The following ZNF254 variants were observed in gnomAD, a reference collection of about 807,000 sequenced individuals.
ZNF254 encodes the protein CTD-2017D11.1.
In ZNF254, 10 loss-of-function variants were observed where a neutral mutation model predicts 12.4. That is an observed-to-expected ratio of 0.80 (90% CI 0.50 to 1.36). The LOEUF (loss-of-function observed/expected upper bound fraction) is 1.36. Ranked by LOEUF, ZNF254 falls within the 40% of genes most tolerant of loss-of-function variation. ZNF254 has a pLI of 0.00. For synonymous variants in ZNF254, 305 were observed against 253.4 expected (o/e 1.20, Z -1.93); for missense variants, 996 against 763.9 (o/e 1.30, Z -3.58).
chr19:24,099,429 G>A (rs10420762), intron 1 of ZNF254, among the ~76,000 whole-genome samples: 74,385 of 151,936 alleles, frequency 0.49, 19,014 homozygotes, highest in African/African-American at 0.64. Flanking sequence ...GTACGAAACA[G>A]AAGAGGACAC....
chr19:24,089,234 C>G (rs1450473245), intron 1 of ZNF254, among the ~76,000 whole-genome samples: 1 of 152,114 alleles, frequency 6.6e-6, no homozygotes, highest in East Asian at 1.9e-4. Context: ...CCTTGGCCTC[C>G]GAAAGTGCTG....
chr19:24,081,195 A>G (rs1971833616), intron 2 of ZNF254, among the ~76,000 whole-genome samples: 1 of 152,146 alleles, frequency 6.6e-6, no homozygotes. Flanking sequence ...TGACAAGCCC[A>G]TAGATGCCAT....
chr19:24,117,703 G>A (rs563808133), intron 3 of ZNF254, among the ~76,000 whole-genome samples: 9 of 152,044 alleles, frequency 5.9e-5, no homozygotes, highest in African/African-American at 1.9e-4. Flanking sequence ...TGCCCCCACT[G>A]TCCTGCGCCC....
Position 24,126,308 on chromosome 19 carries a change from C to G in ZNF254, c.308C>G (p.Ser103Cys), listed in dbSNP as rs746636252. ...TGGCCAGAGCAGGGCATGGAAGATTCTTTTCAAAAAGCAATACTGAGAAGA... is the reference window on the plus strand; with the variant it reads ...TGGCCAGAGCAGGGCATGGAAGATTGTTTTCAAAAAGCAATACTGAGAAGA... ...DLWPEQGMED[S>C]FQKAILRRYG... The change falls in exon 4 of 4, where the codon TCT becomes TGT. Residue 103 changes from serine (S) to cysteine (C), a missense_variant. Ser to Cys is a moderately radical substitution (Grantham distance 112, BLOSUM62 -1). Coordinates refer to ENST00000357002, the MANE Select transcript of ZNF254 (RefSeq NM_203282.4). 5.0e-6 allele frequency: 8 copies of G among 1,584,792 alleles called. 1 individual carries two copies. Among genetic ancestry groups the G allele is most frequent in the African/African-American group, 1.4e-5 (1 of 73,624 alleles).
intron 1 of ZNF254, chr19:24,104,655 A>G (rs1282036843): frequency 6.6e-6 from 1 of 152,174 alleles, no homozygotes; most frequent in Non-Finnish European, 1.5e-5. Flanking sequence ...ATGGCTTTTT[A>G]TATGCCATGT....
chr19:24,091,968 C>T (rs1972413123), intron 1 of ZNF254: 3 of 316,628 alleles, frequency 9.5e-6, no homozygotes, highest in Non-Finnish European at 1.4e-5. Flanking sequence ...CAAGCTCTGT[C>T]TCCCGGGTTC....
chr19:24,049,721 C>A (rs1271693501), intron 2 of ZNF254, among the ~76,000 whole-genome samples: 1 of 151,950 alleles, frequency 6.6e-6, no homozygotes, highest in East Asian at 1.9e-4. Flanking sequence ...TCTGCCTGTG[C>A]CCTGCCCATG....
In ZNF254 at chr19:24,126,750, C is replaced by G; in HGVS notation, c.750C>G (p.Leu250=). ...CEEYNKSPKQ[L]STLTTHEIIH... ...AATATAACAAATCTCCTAAGCAACT[C>G]TCAACCCTTACTACACATGAAATAA... is the stretch of plus-strand genomic sequence containing the variant. The change falls in exon 4 of 4, where the codon CTC becomes CTG. Residue 250 remains leucine (L), a synonymous_variant. Coordinates refer to ENST00000357002, the MANE Select transcript of ZNF254 (RefSeq NM_203282.4). 6.2e-7 allele frequency: 1 copy of G among 1,613,430 alleles called. No individual in the cohort carries two copies. Among genetic ancestry groups the G allele is most frequent in the Non-Finnish European group, 8.5e-7 (1 of 1,179,792 alleles).
intron 2 of ZNF254, 71 bp downstream of exon 2, chr19:24,106,137 G>A: frequency 2.7e-6 from 4 of 1,478,670 alleles, no homozygotes; most frequent in Middle Eastern, 1.9e-4. Context: ...ATGTTTTCTG[G>A]TAATTTACGC....
intron 2 of ZNF254, among the ~76,000 whole-genome samples, chr19:24,060,676 A>T (rs1971033071): frequency 1.3e-5 from 2 of 152,174 alleles, no homozygotes; most frequent in Admixed American, 6.6e-5. Context: ...ATTCTTCTGC[A>T]TTATCCCAGC....
chr19:24,051,395 A>G (rs1970641213), intron 2 of ZNF254, among the ~76,000 whole-genome samples: 1 of 150,518 alleles, frequency 6.6e-6, no homozygotes, highest in South Asian at 2.1e-4. Context: ...CCTGACCTCA[A>G]GTGAGCCACC....
At chr19:24,045,483 C>A (rs1310608722) in intron 1 of ZNF254, among the ~76,000 whole-genome samples, 2 of 151,940 alleles carry the variant, frequency 1.3e-5, no homozygotes, top group Non-Finnish European at 2.9e-5. Flanking sequence ...TCCTGGCTAA[C>A]ATGGTGAAAC....
Position 24,126,808 on chromosome 19 carries a change from G to GAC in ZNF254, c.809_810insCA (p.Glu270AspfsTer18), listed in dbSNP as rs1367256856. 6.2e-7 allele frequency: 1 copy of GAC among 1,613,116 alleles called. No homozygotes were observed. The highest frequency in any genetic ancestry group is 8.5e-7 in the Non-Finnish European group (1 of 1,179,708). ...TGGAGAGAAACTCTACAAATGTGAAGAATGTGGTGAAGCTTTTAATCGATC... is the reference window on the plus strand; with the variant it reads ...TGGAGAGAAACTCTACAAATGTGAAGACAATGTGGTGAAGCTTTTAATCGATC... On this transcript the variant is annotated frameshift_variant, in exon 4 of 4. Transcript: ENST00000357002. LOFTEE classifies it low-confidence loss of function (END_TRUNC).
At chr19:24,084,368 C>T (rs2145601756), upstream of ZNF254, among the ~76,000 whole-genome samples, 1 of 151,798 alleles carries the variant, frequency 6.6e-6, no homozygotes, top group African/African-American at 2.4e-5. Context: ...AATGCAATGG[C>T]ATAAGAATTA....
chr19:24,049,210 A>ATG (rs1256957447), intron 2 of ZNF254, among the ~76,000 whole-genome samples: 1 of 46,242 alleles, frequency 2.2e-5, no homozygotes, highest in Non-Finnish European at 4.3e-5. Flanking sequence ...ATATATATAT[A>ATG]TATATTTTTT....
chr19:24,121,871 T>G lies in ZNF254; in HGVS notation c.254-4383T>G, dbSNP rs868163941. Among the ~76,000 whole-genome samples the G allele has an allele frequency of 4.3e-4, 65 of 152,168 alleles. No individual in the cohort carries two copies. In the Middle Eastern group the frequency reaches 0.014, roughly 32 times the overall value. ...CACCAGGCTACCCTTGGTTTTTTTT[T>G]GTTTGTTTTTTGTATATTTGTTGTA... On this transcript the variant is annotated intron_variant, in intron 3 of 3. Coordinates refer to ENST00000357002, the MANE Select transcript of ZNF254 (RefSeq NM_203282.4).
At chr19:24,087,853 T>C (rs1244299656) in intron 1 of ZNF254, among the ~76,000 whole-genome samples, 1 of 151,628 alleles carries the variant, frequency 6.6e-6, no homozygotes, top group Non-Finnish European at 1.5e-5. Context: ...ACAAGGTTCA[T>C]GATAAAGAAA....
At chr19:24,085,799 G>A (rs1258653781), upstream of ZNF254, among the ~76,000 whole-genome samples, 1 of 151,698 alleles carries the variant, frequency 6.6e-6, no homozygotes, top group Admixed American at 6.6e-5. Context: ...ATAAACAAAA[G>A]CAAAATATGC....
At chr19:24,098,655 C>G (rs1248373982) in intron 1 of ZNF254, 2 of 152,070 alleles carry the variant, frequency 1.3e-5, no homozygotes, top group East Asian at 1.9e-4. Context: ...AATCTTATAT[C>G]TAATCTCAGG....
Sources: allele counts gnomAD v4.1 joint callset (sites outside exome capture counted in the v4.1 genomes callset), GRCh38; gene constraint gnomAD v4.1.1; transcripts MANE v1.5; gene names NCBI Gene and HGNC (gene_info 2026-07-23, HGNC 2026-07-21).